TMCO4: variants seen among roughly 807,000 people sequenced by gnomAD.
TMCO4 encodes transmembrane and coiled-coil domain-containing protein 4.
Under a neutral mutation model 64.7 loss-of-function variants are expected in TMCO4, and 58 were observed. The observed-to-expected ratio is 0.90, with a 90% CI of 0.73 to 1.12. The LOEUF is 1.12. Ranked by LOEUF, TMCO4 falls within the 50% of genes most tolerant of loss-of-function variation. The pLI, the probability that TMCO4 is intolerant of heterozygous loss-of-function variation, is 0.00. For missense variants in TMCO4, 780 were observed against 825.9 expected (o/e 0.94, Z 0.68); for synonymous variants, 325 against 346.1 (o/e 0.94, Z 0.68).
intron 2 of TMCO4, among the ~76,000 whole-genome samples, chr1:19,790,137 C>CTAG (rs1423932020): frequency 6.7e-6 from 1 of 149,742 alleles, no homozygotes; most frequent in Non-Finnish European, 1.5e-5. Flanking sequence ...AAAATTGAAA[C>CTAG]TAGACCCCTT....
At chr1:19,771,175 T>G in intron 5 of TMCO4, 133 bp downstream of exon 5, 16 of 953,674 alleles carry the variant, frequency 1.7e-5, no homozygotes, top group East Asian at 7.2e-5. Flanking sequence ...GCTATGATCA[T>G]GATATGATAT....
intron 13 of TMCO4, among the ~76,000 whole-genome samples, chr1:19,716,457 C>T (rs114725247): frequency 0.016 from 2,310 of 148,378 alleles, 28 homozygotes; most frequent in Middle Eastern, 0.043. Context: ...GCCTTGAACT[C>T]CCGACCTCGT....
intron 6 of TMCO4, among the ~76,000 whole-genome samples, chr1:19,760,054 C>T (rs144344110): frequency 6.6e-6 from 1 of 152,332 alleles, no homozygotes; most frequent in African/African-American, 2.4e-5. Flanking sequence ...CCTCCAAGTC[C>T]TGCTCCCCCA....
chr1:19,746,410 C>T (rs770116285), intron 9 of TMCO4, 46 bp downstream of exon 9: 33 of 1,608,838 alleles, frequency 2.1e-5, no homozygotes, highest in Non-Finnish European at 2.6e-5. Context: ...ACTGGGCCAC[C>T]CTGGCTGAAA....
intron 15 of TMCO4, among the ~76,000 whole-genome samples, chr1:19,694,113 C>T (rs1415866526): frequency 6.6e-6 from 1 of 152,162 alleles, no homozygotes; most frequent in East Asian, 1.9e-4. Flanking sequence ...GTGATCCTCC[C>T]ACCTCAGCCT....
intron 8 of TMCO4, among the ~76,000 whole-genome samples, chr1:19,746,923 C>CAA (rs199888917): frequency 0.024 from 1,200 of 49,278 alleles, 73 homozygotes; most frequent in African/African-American, 0.067. Flanking sequence ...GATACTGTCT[C>CAA]AAAAAAAAAA....
At chr1:19,768,048 T>C (rs2042815501) in intron 6 of TMCO4, among the ~76,000 whole-genome samples, 1 of 147,936 alleles carries the variant, frequency 6.8e-6, no homozygotes, top group African/African-American at 2.5e-5. Context: ...GCTAAGATCA[T>C]GCCACCTGTA....
intron 2 of TMCO4, among the ~76,000 whole-genome samples, chr1:19,793,280 G>C (rs1016194842): frequency 6.6e-6 from 1 of 152,084 alleles, no homozygotes; most frequent in African/African-American, 2.4e-5. Flanking sequence ...TGGCTACAGC[G>C]TCATGGGAAG....
Position 19,732,013 on chromosome 1 carries a change from T to C in TMCO4, c.1264+5359A>G, listed in dbSNP as rs891412781. ...AGATCTCCCGTCCAGCTGGAGCTGC[T>C]GTGAAGGCCGGCATGGACAGCGGGG... On this transcript the variant is annotated intron_variant, in intron 13 of 15. Coordinates refer to ENST00000294543, the MANE Select transcript of TMCO4 (RefSeq NM_181719.7). The surrounding 1 kb of genome is among the most constrained non-coding windows in gnomAD (Gnocchi z 4.8). 2.6e-5 allele frequency among the ~76,000 whole-genome samples: 4 copies of C among 152,234 alleles called. No individual in the cohort carries two copies. The highest frequency in any genetic ancestry group is 9.6e-5 in the African/African-American group (4 of 41,478).
In TMCO4 at chr1:19,682,643, G is replaced by A. The variant is rs751800113; in HGVS notation, c.*397C>T. ...TGCACCTGGTTTTATTGAGGCCAGG[G>A]GAGAGCTGGTGTGGGAGCCTCAGGC... On this transcript the variant is annotated 3_prime_UTR_variant, in exon 16 of 16. Coordinates refer to ENST00000294543, the MANE Select transcript of TMCO4 (RefSeq NM_181719.7). 2.4e-5 allele frequency: 17 copies of A among 717,592 alleles called. No homozygotes were observed. Among genetic ancestry groups the A allele is most frequent in the Non-Finnish European group, 4.2e-5 (16 of 385,088 alleles). 44.5% of individuals were successfully genotyped at this position (717,592 alleles called of 1,614,324 possible). A position where few individuals can be genotyped will look rare whatever the true frequency, so the allele number is the denominator to read the frequency against.
chr1:19,740,988 G>A (rs1207833770), intron 10 of TMCO4, 47 bp from the exon 11 acceptor site: 2 of 1,542,646 alleles, frequency 1.3e-6, no homozygotes, highest in Admixed American at 1.9e-5. Flanking sequence ...TATGGCAGAG[G>A]ATGCCCCACC....
rs903252504 is a variant in TMCO4 at position 19,734,609 on chromosome 1, G to A, written c.1264+2763C>T. On this transcript the variant is annotated intron_variant, in intron 13 of 15. Coordinates refer to ENST00000294543, the MANE Select transcript of TMCO4 (RefSeq NM_181719.7). The surrounding 1 kb of genome is among the most constrained non-coding windows in gnomAD (Gnocchi z 4.4). ...CATTTCCCACCAACCCACCTGGGGG[G>A]CCTCTTACGTGGGCTGCAGAGACAC... 6.6e-6 allele frequency among the ~76,000 whole-genome samples: 1 copy of A among 151,982 alleles called. No individual in the cohort carries two copies. The highest frequency in any genetic ancestry group is 2.4e-5 in the African/African-American group (1 of 41,382).
At chr1:19,725,251 G>A (rs2095403853) in intron 13 of TMCO4, among the ~76,000 whole-genome samples, 1 of 152,202 alleles carries the variant, frequency 6.6e-6, no homozygotes, top group Non-Finnish European at 1.5e-5. Context: ...GGCTGGCTCA[G>A]CTCAGCGTGT....
chr1:19,707,209 A>T (rs1331578307), intron 13 of TMCO4, among the ~76,000 whole-genome samples: 2 of 152,102 alleles, frequency 1.3e-5, no homozygotes, highest in African/African-American at 4.8e-5. Context: ...CTGAAATGTG[A>T]TGTGGGGCCT....
chr1:19,694,088 A>G (rs937839130), intron 15 of TMCO4, among the ~76,000 whole-genome samples: 1 of 152,112 alleles, frequency 6.6e-6, no homozygotes, highest in African/African-American at 2.4e-5. Context: ...TGCAGCCTCC[A>G]TCTCCTGGGC....
At chr1:19,796,888 T>A (rs1390814314) in intron 2 of TMCO4, among the ~76,000 whole-genome samples, 3 of 152,072 alleles carry the variant, frequency 2.0e-5, no homozygotes, top group African/African-American at 7.2e-5. Flanking sequence ...TTTTTCTTTA[T>A]CAAATTTACC....
chr1:19,777,429 C>T (rs1359270507), intron 4 of TMCO4, among the ~76,000 whole-genome samples: 2 of 151,440 alleles, frequency 1.3e-5, no homozygotes, highest in African/African-American at 4.9e-5. Context: ...CTCACTGCAA[C>T]CTCTGCTTCC....
intron 13 of TMCO4, among the ~76,000 whole-genome samples, chr1:19,713,623 C>T (rs2095341972): frequency 6.6e-6 from 1 of 151,976 alleles, no homozygotes; most frequent in Admixed American, 6.6e-5. Context: ...GGCTTGAGCC[C>T]AGGAGTTCAA....
chr1:19,798,008 G>GA (rs1474211699), intron 2 of TMCO4, 129 bp downstream of exon 2: 3 of 170,364 alleles, frequency 1.8e-5, no homozygotes, highest in African/African-American at 8.2e-5. Flanking sequence ...GAAAAGAAAA[G>GA]AAAAGAAAAG....
Sources: gnomAD v4.1 joint callset for allele counts (sites outside exome capture counted in the v4.1 genomes callset) on GRCh38, gnomAD v4.1.1 for gene constraint, Gnocchi (gnomAD v3.1) non-coding constraint, MANE v1.5 for transcripts, NCBI Gene and HGNC (gene_info 2026-07-23, HGNC 2026-07-21) for gene names.